CSMD2: variants seen among roughly 807,000 people sequenced by gnomAD.
CSMD2 encodes CUB and Sushi multiple domains 2, also known as CUB and sushi domain-containing protein 2.
A neutral mutation model predicts 398.5 loss-of-function variants in CSMD2; 130 were observed. The ratio of observed to expected loss-of-function variants is 0.33; its 90% CI spans 0.28 to 0.38. The LOEUF is 0.38. CSMD2 is among the 10% of genes least tolerant of loss of function. The pLI is 1.00. For synonymous variants in CSMD2, 1,828 were observed against 1,908.5 expected (o/e 0.96, Z 1.10); for missense variants, 3,829 against 4,764.9 (o/e 0.80, Z 5.78).
intron 15 of CSMD2, among the ~76,000 whole-genome samples, chr1:33,735,143 C>T (rs975163731): frequency 3.3e-5 from 5 of 152,184 alleles, no homozygotes; most frequent in Admixed American, 6.5e-5. Context: ...AAACTATATT[C>T]TCTTCAGTGA....
At chr1:33,529,846 C>T (rs1482591364) in intron 64 of CSMD2, among the ~76,000 whole-genome samples, 5 of 152,044 alleles carry the variant, frequency 3.3e-5, no homozygotes, top group South Asian at 2.1e-4. Flanking sequence ...AAAGACACCC[C>T]GTGAAATGGG....
chr1:33,815,753 G>A (rs1657388056), intron 9 of CSMD2, among the ~76,000 whole-genome samples: 1 of 152,208 alleles, frequency 6.6e-6, no homozygotes, highest in Non-Finnish European at 1.5e-5. Context: ...CTATATACAA[G>A]TATACATAAT....
At position 33,519,379 on chromosome 1, in the gene CSMD2, G is replaced by A; in HGVS notation, c.*53+86C>T. On this transcript the variant is annotated intron_variant, in intron 70 of 70. Coordinates refer to ENST00000373381, the MANE Select transcript of CSMD2 (RefSeq NM_001281956.2). The surrounding 1 kb of genome is among the most constrained non-coding windows in gnomAD (Gnocchi z 5.6). ...TACTGGGTGTGTCTATGTGGTGTGT[G>A]CGACTCCGTTGGGTGGAGCCCCTGG... 1.3e-6 allele frequency: 1 copy of A among 770,972 alleles called. No individual in the cohort carries two copies. The highest frequency in any genetic ancestry group is 2.1e-6 in the Non-Finnish European group (1 of 468,056). The allele number at this position is 770,972 out of a possible 1,614,324, so 47.8% of individuals were successfully genotyped here. A position where few individuals can be genotyped will look rare whatever the true frequency, so the allele number is the denominator to read the frequency against.
At chr1:33,531,316 A>G (rs1325854473) in intron 64 of CSMD2, among the ~76,000 whole-genome samples, 2 of 152,224 alleles carry the variant, frequency 1.3e-5, no homozygotes, top group African/African-American at 2.4e-5. Flanking sequence ...CCCACTGATC[A>G]TGGATACACT....
intron 1 of CSMD2, among the ~76,000 whole-genome samples, chr1:34,113,235 T>C (rs930885353): frequency 2.0e-5 from 3 of 152,182 alleles, no homozygotes; most frequent in Non-Finnish European, 4.4e-5. Flanking sequence ...AAGAGGTATT[T>C]ATCTCCCCAT....
intron 1 of CSMD2, among the ~76,000 whole-genome samples, chr1:34,117,788 T>C (rs1346856275): frequency 6.6e-6 from 1 of 152,180 alleles, no homozygotes; most frequent in African/African-American, 2.4e-5. Context: ...CAAATGGAAT[T>C]TATGTTTGAA....
intron 67 of CSMD2, among the ~76,000 whole-genome samples, chr1:33,522,996 T>C (rs2148530377): frequency 6.6e-6 from 1 of 152,334 alleles, no homozygotes; most frequent in Non-Finnish European, 1.5e-5. Context: ...ACCACATTAA[T>C]ACCTTCAACT....
At position 33,932,707 on chromosome 1, in the gene CSMD2, G is replaced by C. The variant is rs1227975491; in HGVS notation, c.712+3053C>G. Among the ~76,000 whole-genome samples the C allele has an allele frequency of 4.6e-5, 7 of 152,312 alleles. No homozygotes were observed. In the Middle Eastern group the frequency reaches 0.01, roughly 222 times the overall value. ...TGCCCCTCATCACTTATCTCTGGCT[G>C]GTGGGGTAACAAAAAGATATGTTAA... On this transcript the variant is annotated intron_variant, in intron 4 of 70. Coordinates refer to ENST00000373381, the MANE Select transcript of CSMD2 (RefSeq NM_001281956.2).
intron 13 of CSMD2, among the ~76,000 whole-genome samples, chr1:33,769,258 G>C (rs1650947424): frequency 6.6e-6 from 1 of 152,206 alleles, no homozygotes; most frequent in Non-Finnish European, 1.5e-5. Flanking sequence ...TATGCAGCCT[G>C]GCCAAAGCTT....
intron 2 of CSMD2, among the ~76,000 whole-genome samples, chr1:34,053,969 T>C (rs566509905): frequency 5.4e-4 from 82 of 152,302 alleles, no homozygotes; most frequent in African/African-American, 1.7e-3. Flanking sequence ...CCTGAATTTG[T>C]AAATAGACTC....
chr1:33,550,821 C>T (rs1657375892), intron 55 of CSMD2, among the ~76,000 whole-genome samples: 1 of 152,122 alleles, frequency 6.6e-6, no homozygotes. Flanking sequence ...CCAACCTGTC[C>T]CTCTCAGTAT....
chr1:33,979,363 C>A (rs973388616), intron 3 of CSMD2, among the ~76,000 whole-genome samples: 8 of 143,290 alleles, frequency 5.6e-5, no homozygotes, highest in African/African-American at 1.9e-4. Flanking sequence ...CCTATGGCAT[C>A]TTTGAATTAA....
chr1:34,096,447 A>G (rs2148396046), intron 1 of CSMD2, among the ~76,000 whole-genome samples: 1 of 151,504 alleles, frequency 6.6e-6, no homozygotes, highest in Non-Finnish European at 1.5e-5. Flanking sequence ...AGGGTATTCA[A>G]TTAGGAAAAG....
chr1:33,739,027 G>A, intron 15 of CSMD2, 113 bp downstream of exon 15: 1 of 1,001,894 alleles, frequency 1.0e-6, no homozygotes, highest in Non-Finnish European at 1.5e-6. Context: ...TTCGTTCTGG[G>A]AGAAGAGGAA....
chr1:33,835,296 T>C lies in CSMD2; in HGVS notation c.1034-9522A>G, dbSNP rs1204068231. Among the ~76,000 whole-genome samples the C allele has an allele frequency of 7.9e-5, 4 of 50,926 alleles. 2 individuals are homozygous for C. Among genetic ancestry groups the C allele is most frequent in the African/African-American group, 3.8e-4 (2 of 5,312 alleles). 33.4% of individuals were successfully genotyped at this position (50,926 alleles called of 152,430 possible). On this transcript the variant is annotated intron_variant, in intron 6 of 70. Transcript: ENST00000373381. ...GACTGGATTAAGAAAATGTGGCACA[T>C]ATACACCATGGAATACTATGCAGCC...
chr1:33,632,607 G>T (rs1032420005), intron 32 of CSMD2, among the ~76,000 whole-genome samples: 2 of 151,930 alleles, frequency 1.3e-5, no homozygotes, highest in African/African-American at 4.8e-5. Context: ...TAATTACCTG[G>T]TTTTTGTGAG....
rs187853791 is a variant in CSMD2 at position 33,919,686 on chromosome 1, T to C, written c.713-1385A>G. Among the ~76,000 whole-genome samples the C allele has an allele frequency of 1.1e-4, 16 of 152,282 alleles. No individual in the cohort carries two copies. In the East Asian group the frequency reaches 2.9e-3, roughly 28 times the overall value. ...TGATTTCCTCTCTGCCTTCAAATGC[T>C]TCTGAGGGAGGAGGTGGGCAGGCAA... On this transcript the variant is annotated intron_variant, in intron 4 of 70. Transcript: ENST00000373381.
At chr1:33,886,527 T>C (rs566724205) in intron 5 of CSMD2, among the ~76,000 whole-genome samples, 39 of 152,302 alleles carry the variant, frequency 2.6e-4, no homozygotes, top group Non-Finnish European at 4.3e-4. Flanking sequence ...GCTGATGGCC[T>C]CTCTGGAAGC....
intron 12 of CSMD2, among the ~76,000 whole-genome samples, chr1:33,784,520 T>C (rs1222254334): frequency 2.0e-5 from 3 of 152,236 alleles, no homozygotes; most frequent in Non-Finnish European, 2.9e-5. Context: ...CAACGCACTG[T>C]GAGGCCTCCA....
Sources: gnomAD v4.1 joint callset for allele counts (sites outside exome capture counted in the v4.1 genomes callset) on GRCh38, gnomAD v4.1.1 for gene constraint, Gnocchi (gnomAD v3.1) non-coding constraint, MANE v1.5 for transcripts, NCBI Gene and HGNC (gene_info 2026-07-23, HGNC 2026-07-21) for gene names.